The following TAFA5 variants were observed in gnomAD, a reference collection of about 807,000 sequenced individuals.
TAFA5 encodes the protein TAFA chemokine like family member 5, also known as chemokine-like protein TAFA-5.
A neutral mutation model predicts 15.3 loss-of-function variants in TAFA5; 6 were observed. The observed-to-expected ratio is 0.39, with a 90% CI of 0.21 to 0.77. The LOEUF (loss-of-function observed/expected upper bound fraction) is 0.77. Among genes scored for constraint, TAFA5 ranks in the 30% least tolerant of loss-of-function variants. TAFA5 has a pLI of 0.41. For synonymous variants in TAFA5, 103 were observed against 80.7 expected, an observed-to-expected ratio of 1.28 and a Z score of -1.48; for missense variants, 161 against 193.1, an observed-to-expected ratio of 0.83 and a Z score of 0.98.
chr22:48,521,642 C>T (rs897006377), intron 1 of TAFA5, among the ~76,000 whole-genome samples: 1 of 152,112 alleles, frequency 6.6e-6, no homozygotes, highest in Admixed American at 6.6e-5. Context: ...GGAGCCATCC[C>T]AGCCAGCCGC....
chr22:48,720,137 C>A lies in TAFA5; in HGVS notation c.390+12293C>A, dbSNP rs116807380. Among the ~76,000 whole-genome samples, 671 of 152,240 alleles carry A rather than the reference C, an allele frequency of 4.4e-3. 5 individuals are homozygous for A. Among genetic ancestry groups the A allele is most frequent in the African/African-American group, 0.015 (642 of 41,530 alleles). On this transcript the variant is annotated intron_variant, in intron 3 of 3. Coordinates refer to ENST00000402357, the MANE Select transcript of TAFA5 (RefSeq NM_001082967.3). ...GTGCAGAAGGGTGGACGGGGTCTGT[C>A]GCGAAACCCAGTGGGTGTGGCGGGG...
intron 2 of TAFA5, among the ~76,000 whole-genome samples, chr22:48,664,480 G>A (rs1927547185): frequency 1.3e-5 from 2 of 152,096 alleles, no homozygotes; most frequent in Admixed American, 6.5e-5. Context: ...ATCTTAAATT[G>A]GGCTTAGAAG....
chr22:48,686,870 G>T (rs908797732), intron 2 of TAFA5, among the ~76,000 whole-genome samples: 1 of 150,320 alleles, frequency 6.7e-6, no homozygotes, highest in African/African-American at 2.4e-5. Flanking sequence ...TGGATGGATA[G>T]ATGGAGATGA....
rs565965531 is a variant in TAFA5 at position 48,688,556 on chromosome 22, C to G, written c.263-19161C>G. 2.6e-5 allele frequency among the ~76,000 whole-genome samples: 4 copies of G among 152,316 alleles called. No homozygotes were observed. In the East Asian group the frequency reaches 5.8e-4, roughly 22 times the overall value. ...CCCTGAGGGCCAGATCTTCAGGCCT[C>G]TTAACTCCCCCTGGCTGCTCGGGGG... On this transcript the variant is annotated intron_variant, in intron 2 of 3. Transcript: ENST00000402357.
intron 1 of TAFA5, among the ~76,000 whole-genome samples, chr22:48,494,798 G>C (rs1928269822): frequency 6.6e-6 from 1 of 152,254 alleles, no homozygotes; most frequent in African/African-American, 2.4e-5. Context: ...GGGCTTTCCA[G>C]AAGCGGGCCT....
rs9628525 is a variant in TAFA5 at position 48,735,101 on chromosome 22, T to C, written c.391-14738T>C. ...ACTCATTCATTCCGACAGCTGCCCATGGGCTGCAGACTGTTCTCATCCCGT... is the reference window on the plus strand; with the variant it reads ...ACTCATTCATTCCGACAGCTGCCCACGGGCTGCAGACTGTTCTCATCCCGT... On this transcript the variant is annotated intron_variant, in intron 3 of 3. Transcript: ENST00000402357. 3.5e-3 allele frequency among the ~76,000 whole-genome samples: 540 copies of C among 152,302 alleles called. 2 individuals carry two copies. The highest frequency in any genetic ancestry group is 0.012 in the African/African-American group (516 of 41,560).
At chr22:48,540,596 CTT>C (rs35003128) in intron 1 of TAFA5, among the ~76,000 whole-genome samples, 15 of 144,248 alleles carry the variant, frequency 1.0e-4, no homozygotes, top group Non-Finnish European at 1.1e-4. Flanking sequence ...AGGAGTTTGC[CTT>C]TTTTTTTTTT....
At chr22:48,563,404 G>A (rs1248008243) in intron 1 of TAFA5, among the ~76,000 whole-genome samples, 6 of 152,220 alleles carry the variant, frequency 3.9e-5, no homozygotes, top group Admixed American at 2.0e-4. Flanking sequence ...CTCACTCACC[G>A]GCAGTGTGGA....
chr22:48,680,108 TG>T (rs1928132145), intron 2 of TAFA5, among the ~76,000 whole-genome samples: 1 of 152,186 alleles, frequency 6.6e-6, no homozygotes, highest in Admixed American at 6.5e-5. Context: ...TGGGTGTGGA[TG>T]GGTGGCCATG....
At chr22:48,583,869 C>T (rs564714756) in intron 1 of TAFA5, among the ~76,000 whole-genome samples, 15 of 147,056 alleles carry the variant, frequency 1.0e-4, no homozygotes, top group East Asian at 4.2e-4. Context: ...CACACACACA[C>T]GCAACATCAT....
intron 1 of TAFA5, among the ~76,000 whole-genome samples, chr22:48,575,046 C>A (rs1271634918): frequency 6.6e-6 from 1 of 152,172 alleles, no homozygotes; most frequent in Non-Finnish European, 1.5e-5. Context: ...GCAGATGTGC[C>A]GTTTTCAGAA....
intron 3 of TAFA5, among the ~76,000 whole-genome samples, chr22:48,726,998 C>T (rs11912358): frequency 0.32 from 48,440 of 151,986 alleles, 8,230 homozygotes; most frequent in Admixed American, 0.41. Flanking sequence ...TACGGGGTCA[C>T]TCTCAGGGTA....
intron 2 of TAFA5, among the ~76,000 whole-genome samples, chr22:48,676,622 A>G (rs1008311631): frequency 6.6e-6 from 1 of 152,186 alleles, no homozygotes; most frequent in African/African-American, 2.4e-5. Flanking sequence ...ACGAGGAAGG[A>G]CACAGGACTG....
intron 1 of TAFA5, among the ~76,000 whole-genome samples, chr22:48,555,737 A>G (rs1923013633): frequency 1.3e-5 from 2 of 152,186 alleles, no homozygotes; most frequent in Admixed American, 6.5e-5. Context: ...CCCCTGAGAC[A>G]GGAGCCCAGG....
intron 1 of TAFA5, among the ~76,000 whole-genome samples, chr22:48,594,104 C>T (rs1601602439): frequency 6.6e-6 from 1 of 152,234 alleles, no homozygotes; most frequent in East Asian, 1.9e-4. Context: ...GGTCATGCTC[C>T]TGTGCCCACA....
intron 1 of TAFA5, among the ~76,000 whole-genome samples, chr22:48,574,831 G>A (rs887919932): frequency 1.3e-5 from 2 of 152,236 alleles, no homozygotes; most frequent in Non-Finnish European, 2.9e-5. Flanking sequence ...TCTGGGGAGC[G>A]GGGTTGGGGA....
chr22:48,622,902 GC>G (rs951580018), intron 1 of TAFA5, among the ~76,000 whole-genome samples: 9 of 152,366 alleles, frequency 5.9e-5, no homozygotes, highest in Non-Finnish European at 8.8e-5. Flanking sequence ...ACCTGGGACT[GC>G]CCGTGACAGC....
chr22:48,496,713 T>C (rs1928337877), intron 1 of TAFA5, among the ~76,000 whole-genome samples: 1 of 152,090 alleles, frequency 6.6e-6, no homozygotes, highest in South Asian at 2.1e-4. Flanking sequence ...GGTTTGCAGG[T>C]GCACCGCAGG....
chr22:48,690,424 T>G (rs5771959), intron 2 of TAFA5, among the ~76,000 whole-genome samples: 1 of 151,930 alleles, frequency 6.6e-6, no homozygotes, highest in Non-Finnish European at 1.5e-5. Flanking sequence ...CCAGGGCCTG[T>G]GTGCCCAGTG....
Sources: gnomAD v4.1 joint callset for allele counts (sites outside exome capture counted in the v4.1 genomes callset) on GRCh38, gnomAD v4.1.1 for gene constraint, MANE v1.5 for transcripts, NCBI Gene and HGNC (gene_info 2026-07-23, HGNC 2026-07-21) for gene names.